Variants in SVOPL observed in about 807,000 individuals in gnomAD.
The protein encoded by SVOPL is SVOP like.
In SVOPL, 60 loss-of-function variants were observed where a neutral mutation model predicts 61.0. The observed-to-expected ratio is 0.98, with a 90% CI of 0.80 to 1.22. SVOPL has a LOEUF of 1.22. Ranked by LOEUF, SVOPL falls within the 50% of genes most tolerant of loss-of-function variation. The pLI is 0.00. For missense variants in SVOPL, 662 were observed against 643.9 expected, an observed-to-expected ratio of 1.03 and a Z score of -0.30; for synonymous variants, 279 against 250.0, an observed-to-expected ratio of 1.12 and a Z score of -1.09.
At chr7:138,599,167 A>AAAAAAAAAAAAAAAAAAC (rs58372563) in intron 14 of SVOPL, among the ~76,000 whole-genome samples, 5 of 121,826 alleles carry the variant, frequency 4.1e-5, no homozygotes, top group Non-Finnish European at 6.6e-5. Flanking sequence ...ACCAAAAAAA[A>AAAAAAAAAAAAAAAAAAC]AAGAAATACA....
intron 14 of SVOPL, among the ~76,000 whole-genome samples, chr7:138,608,151 G>C (rs1344429750): frequency 1.3e-5 from 2 of 152,164 alleles, no homozygotes; most frequent in Non-Finnish European, 2.9e-5. Flanking sequence ...CCTTGTTCTT[G>C]GATACATAGA....
chr7:138,643,701 A>G (rs1446575252), intron 9 of SVOPL, among the ~76,000 whole-genome samples: 1 of 151,190 alleles, frequency 6.6e-6, no homozygotes, highest in East Asian at 2.0e-4. Flanking sequence ...GGGATCTAGA[A>G]TAGTCAATTT....
At chr7:138,627,260 A>G in intron 12 of SVOPL, 90 bp downstream of exon 12, 1 of 956,572 alleles carries the variant, frequency 1.0e-6, no homozygotes, top group South Asian at 1.5e-5. Flanking sequence ...GGTGAAAGTG[A>G]CTTGTCCCTG....
chr7:138,661,976 G>A (rs1802022508), intron 5 of SVOPL: 2 of 985,450 alleles, frequency 2.0e-6, no homozygotes, highest in Non-Finnish European at 2.4e-6. Flanking sequence ...TGAACTTGCT[G>A]CATGAACCCA....
At chr7:138,650,672 G>A (rs371672201) in intron 7 of SVOPL, among the ~76,000 whole-genome samples, 1 of 138,280 alleles carries the variant, frequency 7.2e-6, no homozygotes, top group East Asian at 2.2e-4. Context: ...AATTCACTAG[G>A]CACCATGACA....
At chr7:138,599,105 G>T (rs1405320582) in intron 14 of SVOPL, among the ~76,000 whole-genome samples, 1 of 119,492 alleles carries the variant, frequency 8.4e-6, no homozygotes, top group Non-Finnish European at 1.6e-5. Context: ...CCCTATAATT[G>T]TACTCCAACC....
chr7:138,663,682 C>G (rs747377875), intron 4 of SVOPL: 17 of 846,026 alleles, frequency 2.0e-5, no homozygotes, highest in Non-Finnish European at 2.4e-5. Flanking sequence ...ATTCAAGGAC[C>G]TGGGATTTGA....
intron 6 of SVOPL, among the ~76,000 whole-genome samples, chr7:138,659,201 G>C (rs1296380933): frequency 6.6e-6 from 1 of 152,094 alleles, no homozygotes. Flanking sequence ...ATCAGAAAAT[G>C]TTTAGATCAG....
chr7:138,646,529 T>G (rs1375892691), intron 8 of SVOPL: 1 of 153,158 alleles, frequency 6.5e-6, no homozygotes, highest in African/African-American at 2.4e-5. Flanking sequence ...GGTTTTTTGT[T>G]TTTTTGAGAG....
intron 8 of SVOPL, among the ~76,000 whole-genome samples, chr7:138,647,843 G>T (rs1249323120): frequency 1.6e-5 from 1 of 61,084 alleles, no homozygotes; most frequent in African/African-American, 7.0e-5. Context: ...GTAAGACTCC[G>T]TTTCAAAAAA....
intron 14 of SVOPL, among the ~76,000 whole-genome samples, chr7:138,606,568 A>G (rs2116786120): frequency 6.6e-6 from 1 of 152,246 alleles, no homozygotes; most frequent in African/African-American, 2.4e-5. Flanking sequence ...GAGCCCGCTC[A>G]TTACACAAAA....
intron 7 of SVOPL, among the ~76,000 whole-genome samples, chr7:138,649,888 G>A (rs1429420610): frequency 6.6e-6 from 1 of 152,120 alleles, no homozygotes; most frequent in African/African-American, 2.4e-5. Context: ...CTGGAGGGCA[G>A]TGGCACAATC....
At chr7:138,661,819 C>A in intron 5 of SVOPL, 1 of 975,782 alleles carries the variant, frequency 1.0e-6, no homozygotes, top group Non-Finnish European at 1.2e-6. Flanking sequence ...GACTTCCGAG[C>A]TGCAATCCTC....
chr7:138,621,882 C>CTATCTATG, intron 13 of SVOPL, among the ~76,000 whole-genome samples: 1 of 52,116 alleles, frequency 1.9e-5, no homozygotes, highest in African/African-American at 7.3e-5. Context: ...ATCTATCTAT[C>CTATCTATG]TATCTATCTA....
intron 9 of SVOPL, among the ~76,000 whole-genome samples, chr7:138,635,409 T>A (rs1034358225): frequency 4.0e-5 from 6 of 151,098 alleles, no homozygotes; most frequent in South Asian, 2.1e-4. Context: ...TTTTTTTTTT[T>A]AAATAGAGAT....
At chr7:138,630,324 G>A (rs1349211249) in intron 9 of SVOPL, among the ~76,000 whole-genome samples, 1 of 152,122 alleles carries the variant, frequency 6.6e-6, no homozygotes, top group Non-Finnish European at 1.5e-5. Context: ...TCTGTCTTTT[G>A]GCTTTTTCTC....
chr7:138,596,843 C>T, intron 14 of SVOPL: 3 of 1,103,982 alleles, frequency 2.7e-6, no homozygotes, highest in Non-Finnish European at 3.3e-6. Context: ...CGTTTCCCCA[C>T]CCCCTTTCTC....
chr7:138,626,084 G>C (rs1032750674), intron 12 of SVOPL, 34 bp from the exon 13 acceptor site: 1 of 1,609,734 alleles, frequency 6.2e-7, no homozygotes, highest in South Asian at 1.1e-5. Context: ...AATTATAAAA[G>C]GCAGCATGGA....
intron 9 of SVOPL, among the ~76,000 whole-genome samples, chr7:138,630,502 T>C (rs556474719): frequency 6.6e-6 from 1 of 152,276 alleles, no homozygotes; most frequent in African/African-American, 2.4e-5. Flanking sequence ...AAAACTCTTA[T>C]ATTAAAAAAG....
Sources: gnomAD v4.1 joint callset for allele counts (sites outside exome capture counted in the v4.1 genomes callset) on GRCh38, gnomAD v4.1.1 for gene constraint, MANE v1.5 for transcripts, NCBI Gene and HGNC (gene_info 2026-07-23, HGNC 2026-07-21) for gene names.